TEX101: variants seen among roughly 807,000 people sequenced by gnomAD.
The protein encoded by TEX101 is testis-expressed protein 101.
TEX101 carries 10 observed loss-of-function variants against 18.1 expected under a neutral mutation model. That is an observed-to-expected ratio of 0.55 (90% confidence interval 0.34 to 0.94). The LOEUF is 0.94. TEX101 is among the 40% of genes least tolerant of loss of function. The pLI is 0.02. For missense variants in TEX101, 259 were observed against 298.9 expected (o/e 0.87, Z 0.98); for synonymous variants, 94 against 114.8 (o/e 0.82, Z 1.16).
chr19:43,395,041 G>A, the TEX101 span, among the ~76,000 whole-genome samples: 5 of 152,172 alleles, frequency 3.3e-5, no homozygotes, highest in African/African-American at 1.2e-4. Flanking sequence ...CAAAGAAATG[G>A]TTAGACTTGT....
At chr19:43,417,798 C>A (rs1452470527) in intron 4 of TEX101, 80 bp from the exon 5 acceptor site, 11 of 1,574,384 alleles carry the variant, frequency 7.0e-6, no homozygotes, top group South Asian at 1.2e-5. Context: ...GCAGGAAAAT[C>A]TTGGGGAAGA....
At chr19:43,417,245 T>G (rs1255925436) in intron 4 of TEX101, among the ~76,000 whole-genome samples, 2 of 152,006 alleles carry the variant, frequency 1.3e-5, no homozygotes, top group African/African-American at 4.8e-5. Flanking sequence ...GGGCTAATAC[T>G]CAAAATGCTT....
intron 3 of TEX101, among the ~76,000 whole-genome samples, chr19:43,407,242 G>C (rs1158361423): frequency 6.6e-6 from 1 of 152,134 alleles, no homozygotes; most frequent in Non-Finnish European, 1.5e-5. Context: ...CCAGCACTTT[G>C]GTAGGCCAAG....
At chr19:43,392,296 AG>A in the TEX101 span, among the ~76,000 whole-genome samples, 1 of 152,186 alleles carries the variant, frequency 6.6e-6, no homozygotes, top group South Asian at 2.1e-4. Context: ...AGAGAGATTC[AG>A]GGCAGGACTA....
chr19:43,391,646 C>T, the TEX101 span, among the ~76,000 whole-genome samples: 2 of 152,090 alleles, frequency 1.3e-5, no homozygotes, highest in African/African-American at 2.4e-5. Context: ...GAAACCTTCC[C>T]GGGTGCACAG....
chr19:43,400,806 A>G (rs921035551), upstream of TEX101, among the ~76,000 whole-genome samples: 3 of 152,214 alleles, frequency 2.0e-5, no homozygotes, highest in African/African-American at 7.2e-5. Flanking sequence ...AAAAGGCTTA[A>G]TGGTTTATGT....
chr19:43,389,492 A>G, the TEX101 span, among the ~76,000 whole-genome samples: 107 of 152,304 alleles, frequency 7.0e-4, no homozygotes, highest in African/African-American at 2.1e-3. Context: ...CTCCTGCAGT[A>G]GCCAGAAGAT....
upstream of TEX101, among the ~76,000 whole-genome samples, chr19:43,414,537 G>A (rs1970449735): frequency 6.6e-6 from 1 of 152,190 alleles, no homozygotes; most frequent in Non-Finnish European, 1.5e-5. Context: ...ATTTGGGTAG[G>A]GAGATAAGTT....
chr19:43,401,888 T>C (rs1354896620), intron 1 of TEX101, among the ~76,000 whole-genome samples: 2 of 152,038 alleles, frequency 1.3e-5, no homozygotes, highest in Non-Finnish European at 2.9e-5. Context: ...ATTCTACTCA[T>C]AAAAATACGA....
upstream of TEX101, among the ~76,000 whole-genome samples, chr19:43,412,769 A>AT (rs924748404): frequency 3.9e-5 from 6 of 152,142 alleles, no homozygotes; most frequent in Non-Finnish European, 5.9e-5. Flanking sequence ...TTATTGTGGC[A>AT]TTTTCTCTAT....
the TEX101 span, among the ~76,000 whole-genome samples, chr19:43,390,656 AG>A: frequency 6.6e-6 from 1 of 151,234 alleles, no homozygotes; most frequent in Admixed American, 6.6e-5. Flanking sequence ...TTTAGCAGAG[AG>A]GGGATTTCAT....
chr19:43,406,788 G>A (rs1970368037), intron 3 of TEX101, among the ~76,000 whole-genome samples: 1 of 152,188 alleles, frequency 6.6e-6, no homozygotes, highest in Non-Finnish European at 1.5e-5. Flanking sequence ...AGTTCAGACG[G>A]TGAAAGCAGG....
chr19:43,416,094 C>G lies in TEX101; in HGVS notation c.65-5C>G, dbSNP rs377135565. On this transcript the variant is annotated splice_region_variant and splice_polypyrimidine_tract_variant and intron_variant, in intron 2 of 5. Transcript: ENST00000598265. ...GTGCTTATCCTTTTCTTGTTTTCTCCTCAGCGGGCCTAGAGCTGTATTGTC... is the reference window on the plus strand; with the variant it reads ...GTGCTTATCCTTTTCTTGTTTTCTCGTCAGCGGGCCTAGAGCTGTATTGTC... The G allele has an allele frequency of 1.9e-6, 3 of 1,606,458 alleles. No homozygotes were observed. The South Asian group carries it at 3.3e-5, about 18-fold the overall frequency.
intron 3 of TEX101, among the ~76,000 whole-genome samples, chr19:43,406,937 T>TGG (rs1555745352): frequency 4.2e-5 from 4 of 96,036 alleles, no homozygotes; most frequent in African/African-American, 7.7e-5. Context: ...TTTTGTTTTT[T>TGG]TTTTTTTTTT....
upstream of TEX101, chr19:43,414,852 G>A (rs1377650596): frequency 2.0e-6 from 2 of 985,354 alleles, no homozygotes; most frequent in African/African-American, 1.7e-5. Flanking sequence ...ATGGGGTTTC[G>A]AGTGCTGTGT....
chr19:43,414,843 T>C, upstream of TEX101: 1 of 985,144 alleles, frequency 1.0e-6, no homozygotes, highest in Non-Finnish European at 1.2e-6. Context: ...CATCCACCAA[T>C]GGGGTTTCGA....
At chr19:43,393,141 G>A in the TEX101 span, among the ~76,000 whole-genome samples, 2 of 138,036 alleles carry the variant, frequency 1.4e-5, no homozygotes, top group Non-Finnish European at 3.1e-5. Flanking sequence ...CCCATTGGTA[G>A]AGAGACAAAG....
the TEX101 span, among the ~76,000 whole-genome samples, chr19:43,390,894 C>CG: frequency 6.7e-6 from 1 of 150,196 alleles, no homozygotes; most frequent in Non-Finnish European, 1.5e-5. Context: ...ACCAATTAAA[C>CG]ACAACTCCTC....
chr19:43,398,642 C>G (rs1009015160), upstream of TEX101, among the ~76,000 whole-genome samples: 2 of 152,040 alleles, frequency 1.3e-5, no homozygotes, highest in Admixed American at 6.6e-5. Flanking sequence ...TACAACAGTC[C>G]CCCTCCACTA....
Sources: allele counts gnomAD v4.1 joint callset (sites outside exome capture counted in the v4.1 genomes callset), GRCh38; gene constraint gnomAD v4.1.1; transcripts MANE v1.5; gene names NCBI Gene and HGNC (gene_info 2026-07-23, HGNC 2026-07-21).